The following EPS15 variants were observed in gnomAD, a reference collection of about 807,000 sequenced individuals.
The protein encoded by EPS15 is epidermal growth factor receptor substrate 15.
EPS15 carries 72 observed loss-of-function variants against 113.8 expected under a neutral mutation model. The observed-to-expected ratio is 0.63, with a 90% CI of 0.52 to 0.77. The LOEUF (loss-of-function observed/expected upper bound fraction) is 0.77. EPS15 is among the 30% of genes least tolerant of loss of function. EPS15 has a pLI of 0.00. For missense variants in EPS15, 1,048 were observed against 1,045.8 expected, an observed-to-expected ratio of 1.00 and a Z score of -0.03; for synonymous variants, 344 against 363.4, an observed-to-expected ratio of 0.95 and a Z score of 0.61.
intron 11 of EPS15, among the ~76,000 whole-genome samples, chr1:51,443,644 T>G (rs905230047): frequency 1.3e-5 from 2 of 151,916 alleles, no homozygotes; most frequent in African/African-American, 4.8e-5. Context: ...TTTCTTTCTT[T>G]CTTTCTTTCT....
At chr1:51,377,502 T>C (rs986224940) in intron 21 of EPS15, among the ~76,000 whole-genome samples, 4 of 152,072 alleles carry the variant, frequency 2.6e-5, no homozygotes, top group African/African-American at 9.6e-5. Flanking sequence ...CAAAGAGGAG[T>C]TGCCTCTACA....
chr1:51,471,370 C>T (rs1340205961), intron 4 of EPS15, among the ~76,000 whole-genome samples: 2 of 152,182 alleles, frequency 1.3e-5, no homozygotes, highest in African/African-American at 2.4e-5. Flanking sequence ...ATCTACTAGA[C>T]AATACCATCT....
chr1:51,477,416 C>A (rs1414892920), intron 2 of EPS15, among the ~76,000 whole-genome samples: 1 of 151,718 alleles, frequency 6.6e-6, no homozygotes, highest in Non-Finnish European at 1.5e-5. Context: ...TTCTGGATTC[C>A]CTGATTTTTT....
chr1:51,411,636 A>T (rs1221100815), intron 13 of EPS15, among the ~76,000 whole-genome samples: 1 of 152,164 alleles, frequency 6.6e-6, no homozygotes, highest in African/African-American at 2.4e-5. Context: ...TCTTTATTGT[A>T]TTATATAGAG....
intron 12 of EPS15, among the ~76,000 whole-genome samples, chr1:51,428,240 C>T (rs1232165178): frequency 1.3e-5 from 2 of 152,062 alleles, no homozygotes; most frequent in Non-Finnish European, 1.5e-5. Flanking sequence ...ACAATAAATG[C>T]TAAAGGGAGT....
chr1:51,505,293 T>A lies in EPS15; in HGVS notation c.33+13906A>T, dbSNP rs572958487. On this transcript the variant is annotated intron_variant, in intron 1 of 24. Coordinates refer to ENST00000371733, the MANE Select transcript of EPS15 (RefSeq NM_001981.3). Reference sequence around the variant, plus strand: ...TGGAAACCACCCAAATATCCACCAATGAACAAATGGAAAAACAAAATGTGG... The same window carrying A: ...TGGAAACCACCCAAATATCCACCAAAGAACAAATGGAAAAACAAAATGTGG... 2.7e-4 allele frequency among the ~76,000 whole-genome samples: 41 copies of A among 152,206 alleles called. 2 individuals are homozygous for A. The South Asian group carries it at 8.3e-3, about 31-fold the overall frequency.
chr1:51,357,427 T>TATATATATATA (rs57828043), intron 24 of EPS15, among the ~76,000 whole-genome samples: 3 of 44,618 alleles, frequency 6.7e-5, no homozygotes, highest in African/African-American at 3.8e-4. Context: ...TATATATATA[T>TATATATATATA]TTTTTTTTTT....
At chr1:51,498,091 G>A (rs6694583) in intron 1 of EPS15, among the ~76,000 whole-genome samples, 45,472 of 151,722 alleles carry the variant, frequency 0.3, 9,135 homozygotes, top group African/African-American at 0.57. Context: ...CCAACTAGTC[G>A]ATAAGATAAC....
chr1:51,428,429 T>G (rs376744138), intron 12 of EPS15, among the ~76,000 whole-genome samples: 1 of 152,178 alleles, frequency 6.6e-6, no homozygotes, highest in East Asian at 1.9e-4. Flanking sequence ...AAAAAAGAAT[T>G]TATGAATCTG....
intron 21 of EPS15, among the ~76,000 whole-genome samples, chr1:51,393,492 G>A (rs574307346): frequency 3.3e-4 from 50 of 152,292 alleles, no homozygotes; most frequent in African/African-American, 4.3e-4. Context: ...GTGAGCCACC[G>A]GGCCCAGGCT....
chr1:51,425,134 C>G (rs563250318), intron 12 of EPS15, among the ~76,000 whole-genome samples: 1 of 152,248 alleles, frequency 6.6e-6, no homozygotes, highest in African/African-American at 2.4e-5. Context: ...AAGAACAAGC[C>G]AAGAATAAAC....
At chr1:51,478,484 T>C (rs1158144841) in intron 2 of EPS15, among the ~76,000 whole-genome samples, 18 of 151,736 alleles carry the variant, frequency 1.2e-4, no homozygotes, top group Non-Finnish European at 2.4e-4. Context: ...ATGTGTGAAT[T>C]TGATCCTGTC....
chr1:51,415,093 A>T (rs960713095), intron 13 of EPS15, among the ~76,000 whole-genome samples: 28 of 152,316 alleles, frequency 1.8e-4, no homozygotes, highest in African/African-American at 6.7e-4. Flanking sequence ...GATGTGACTA[A>T]ATTTTTATGT....
chr1:51,411,467 C>T (rs1165540064), intron 13 of EPS15, among the ~76,000 whole-genome samples: 1 of 152,106 alleles, frequency 6.6e-6, no homozygotes, highest in Non-Finnish European at 1.5e-5. Context: ...TACAGGGACA[C>T]TTGATTTCTG....
At chr1:51,484,053 GTGAC>G (rs923952037) in intron 1 of EPS15, among the ~76,000 whole-genome samples, 2 of 151,800 alleles carry the variant, frequency 1.3e-5, no homozygotes, top group African/African-American at 4.8e-5. Flanking sequence ...CAAAGCTACA[GTGAC>G]CTGTGATTGT....
intron 8 of EPS15, chr1:51,458,593 C>T (rs748634179): frequency 1.4e-5 from 6 of 437,298 alleles, no homozygotes; most frequent in South Asian, 4.8e-5. Context: ...AAAAATTAGC[C>T]GGGGGTGGTG....
At chr1:51,368,700 T>C (rs1209494638) in intron 21 of EPS15, among the ~76,000 whole-genome samples, 1 of 151,554 alleles carries the variant, frequency 6.6e-6, no homozygotes, top group African/African-American at 2.4e-5. Context: ...CAGATTCAAG[T>C]GATTCTCGTG....
At chr1:51,464,792 CA>C (rs1480878641) in intron 6 of EPS15, among the ~76,000 whole-genome samples, 18 of 152,154 alleles carry the variant, frequency 1.2e-4, no homozygotes, top group African/African-American at 4.1e-4. Context: ...ACACATTTAT[CA>C]AAGCTCATTT....
chr1:51,476,871 G>A (rs1268583979), intron 2 of EPS15, among the ~76,000 whole-genome samples: 1 of 152,132 alleles, frequency 6.6e-6, no homozygotes, highest in African/African-American at 2.4e-5. Flanking sequence ...TTTTATTGAG[G>A]ATTTTTGCAT....
Sources: allele counts gnomAD v4.1 joint callset (sites outside exome capture counted in the v4.1 genomes callset), GRCh38; gene constraint gnomAD v4.1.1; transcripts MANE v1.5; gene names NCBI Gene and HGNC (gene_info 2026-07-23, HGNC 2026-07-21).